Variants in MACROD2 observed in about 807,000 individuals in gnomAD.
MACROD2 encodes the protein ADP-ribose glycohydrolase MACROD2.
A neutral mutation model predicts 70.4 loss-of-function variants in MACROD2; 36 were observed. That is an observed-to-expected ratio of 0.51 (90% CI 0.39 to 0.68). The LOEUF (loss-of-function observed/expected upper bound fraction) is 0.68. Among genes scored for constraint, MACROD2 ranks in the 30% least tolerant of loss-of-function variants. MACROD2 has a pLI of 0.00. For synonymous variants in MACROD2, 172 were observed against 178.8 expected (o/e 0.96, Z 0.30); for missense variants, 496 against 538.4 (o/e 0.92, Z 0.78).
rs551802788 is a variant in MACROD2, at chr20:15,017,771, G to T, written c.419-212169G>T. On this transcript the variant is annotated intron_variant, in intron 5 of 17. Transcript: ENST00000684519. ...CACCACATGGAAACTGCCAAAGCTTGGGGCTTCCACCCTCTGAAGCCACAG... is the reference window on the plus strand; with the variant it reads ...CACCACATGGAAACTGCCAAAGCTTTGGGCTTCCACCCTCTGAAGCCACAG... Among the ~76,000 whole-genome samples, 173 of 152,310 alleles carry T rather than the reference G, an allele frequency of 1.1e-3. 1 individual carries two copies. The highest frequency in any genetic ancestry group is 2.3e-3 in the Admixed American group (35 of 15,298).
At chr20:14,419,170 T>G (rs2083846945) in intron 3 of MACROD2, among the ~76,000 whole-genome samples, 2 of 152,194 alleles carry the variant, frequency 1.3e-5, no homozygotes, top group African/African-American at 4.8e-5. Context: ...TTCTCCTGGC[T>G]TAGCCTCCTA....
rs982043142 is a variant in MACROD2 at position 14,334,204 on chromosome 20, T to C, written c.272-159275T>C. ...CGTAAATAGATAACTCAAAGTTCTT[T>C]CTTACACAACATAAACATAGCTTTG... On this transcript the variant is annotated intron_variant, in intron 3 of 17. Transcript: ENST00000684519. 3.3e-5 allele frequency among the ~76,000 whole-genome samples: 5 copies of C among 152,234 alleles called. No individual in the cohort carries two copies. The South Asian group carries it at 6.2e-4, about 19-fold the overall frequency.
At chr20:15,371,295 T>G (rs964024252) in intron 6 of MACROD2, among the ~76,000 whole-genome samples, 1 of 152,138 alleles carries the variant, frequency 6.6e-6, no homozygotes, top group African/African-American at 2.4e-5. Context: ...TTTTCAAATC[T>G]TATAGCCCTA....
intron 8 of MACROD2, among the ~76,000 whole-genome samples, chr20:15,744,960 A>C (rs1464770287): frequency 6.6e-6 from 1 of 152,176 alleles, no homozygotes; most frequent in Non-Finnish European, 1.5e-5. Flanking sequence ...TCTACAAAAA[A>C]AGATAAAAAC....
intron 5 of MACROD2, among the ~76,000 whole-genome samples, chr20:14,999,963 C>G (rs865812378): frequency 6.6e-5 from 10 of 152,124 alleles, no homozygotes; most frequent in African/African-American, 2.4e-4. Flanking sequence ...AAAAGCAATA[C>G]TGTATATTGT....
In MACROD2 at chr20:14,327,449, G is replaced by T. The variant is rs2082755343; in HGVS notation, c.272-166030G>T. 6.2e-7 allele frequency: 1 copy of T among 1,613,382 alleles called. No individual in the cohort carries two copies. ...GCCATAACTGATAGAGGTGCTACTTGAAGGAACAGCCCAATTTTAGTCCCG... is the reference window on the plus strand; with the variant it reads ...GCCATAACTGATAGAGGTGCTACTTTAAGGAACAGCCCAATTTTAGTCCCG... On this transcript the variant is annotated intron_variant, in intron 3 of 17. Transcript: ENST00000684519.
intron 3 of MACROD2, among the ~76,000 whole-genome samples, chr20:14,151,074 C>T (rs894598196): frequency 1.2e-4 from 18 of 152,180 alleles, no homozygotes; most frequent in African/African-American, 4.1e-4. Flanking sequence ...CTAGTAAATG[C>T]ACTAATTCTG....
intron 7 of MACROD2, among the ~76,000 whole-genome samples, chr20:15,438,085 G>A (rs2046449656): frequency 6.6e-6 from 1 of 151,966 alleles, no homozygotes; most frequent in Admixed American, 6.6e-5. Flanking sequence ...AACCCGGGAG[G>A]TGGAAGTTGC....
At chr20:14,453,767 C>T (rs1441062128) in intron 3 of MACROD2, among the ~76,000 whole-genome samples, 2 of 151,950 alleles carry the variant, frequency 1.3e-5, no homozygotes, top group South Asian at 2.1e-4. Flanking sequence ...CAGTTTTTTC[C>T]ATTTAATTAC....
intron 4 of MACROD2, among the ~76,000 whole-genome samples, chr20:14,567,603 G>A (rs527254676): frequency 2.1e-4 from 32 of 152,096 alleles, no homozygotes; most frequent in African/African-American, 6.7e-4. Context: ...TAATTAGGCA[G>A]TGCCTGTGCT....
intron 3 of MACROD2, among the ~76,000 whole-genome samples, chr20:14,198,808 AC>A (rs1278506884): frequency 6.6e-6 from 1 of 152,030 alleles, no homozygotes; most frequent in East Asian, 1.9e-4. Flanking sequence ...AAGACAAAGT[AC>A]CCTTTGTATT....
chr20:14,590,904 T>G (rs1015647497), intron 4 of MACROD2, among the ~76,000 whole-genome samples: 1 of 152,138 alleles, frequency 6.6e-6, no homozygotes, highest in Non-Finnish European at 1.5e-5. Context: ...CTCAATATAT[T>G]AAGTCCACAT....
At chr20:15,212,043 C>A (rs2076768383) in intron 5 of MACROD2, among the ~76,000 whole-genome samples, 1 of 152,126 alleles carries the variant, frequency 6.6e-6, no homozygotes, top group East Asian at 1.9e-4. Flanking sequence ...TTGTTGATAG[C>A]CTTCCTAATG....
At chr20:15,980,655 G>A (rs1490906556) in intron 13 of MACROD2, among the ~76,000 whole-genome samples, 1 of 152,144 alleles carries the variant, frequency 6.6e-6, no homozygotes, top group East Asian at 1.9e-4. Context: ...CACTTGTACA[G>A]GCACATGTGT....
intron 8 of MACROD2, among the ~76,000 whole-genome samples, chr20:15,508,456 A>T (rs1453325388): frequency 2.0e-5 from 3 of 152,238 alleles, no homozygotes; most frequent in South Asian, 4.2e-4. Context: ...AGGGAAATCA[A>T]TATTTATCTG....
intron 3 of MACROD2, among the ~76,000 whole-genome samples, chr20:14,280,677 C>T (rs900635290): frequency 1.3e-5 from 2 of 152,116 alleles, no homozygotes; most frequent in South Asian, 2.1e-4. Context: ...TTTTAGAAAG[C>T]TCTAGCAGTT....
intron 8 of MACROD2, among the ~76,000 whole-genome samples, chr20:15,591,776 G>A (rs2048684240): frequency 1.3e-5 from 2 of 152,030 alleles, no homozygotes; most frequent in Non-Finnish European, 2.9e-5. Context: ...TGTATGACAG[G>A]AAATTAAACT....
chr20:15,840,620 A>G (rs1227383547), intron 8 of MACROD2, among the ~76,000 whole-genome samples: 1 of 152,174 alleles, frequency 6.6e-6, no homozygotes, highest in East Asian at 1.9e-4. Context: ...ATATTATTAT[A>G]AGCCCAAAGG....
chr20:15,326,292 A>G (rs989192715), intron 6 of MACROD2, among the ~76,000 whole-genome samples: 1 of 152,134 alleles, frequency 6.6e-6, no homozygotes, highest in Non-Finnish European at 1.5e-5. Context: ...TAAGAAGTTT[A>G]AAATTCCAGC....
Sources: allele counts gnomAD v4.1 joint callset (sites outside exome capture counted in the v4.1 genomes callset), GRCh38; gene constraint gnomAD v4.1.1; transcripts MANE v1.5; gene names NCBI Gene and HGNC (gene_info 2026-07-23, HGNC 2026-07-21).